EMCN: variants seen among roughly 807,000 people sequenced by gnomAD.
EMCN encodes MUC-14.
In EMCN, 37 loss-of-function variants were observed where a neutral mutation model predicts 38.4. The observed-to-expected ratio is 0.96, with a 90% CI of 0.74 to 1.27. The LOEUF is 1.27. EMCN is among the 50% of genes most tolerant of loss of function. The pLI is 0.00. For synonymous variants in EMCN, 95 were observed against 100.8 expected, an observed-to-expected ratio of 0.94 and a Z score of 0.35; for missense variants, 318 against 302.8, an observed-to-expected ratio of 1.05 and a Z score of -0.37.
chr4:100,468,588 A>C (rs954539817), intron 3 of EMCN, among the ~76,000 whole-genome samples: 4 of 152,140 alleles, frequency 2.6e-5, no homozygotes, highest in African/African-American at 7.2e-5. Flanking sequence ...CAAGGTTAGC[A>C]TTTACTAAAA....
At chr4:100,503,093 T>G (rs1399753682) in intron 1 of EMCN, among the ~76,000 whole-genome samples, 1 of 152,092 alleles carries the variant, frequency 6.6e-6, no homozygotes, top group Non-Finnish European at 1.5e-5. Flanking sequence ...AACTTCTATT[T>G]TTATTCTCTA....
rs1728617733 is a variant in EMCN at position 100,475,658 on chromosome 4, C to CATTTTTTT, written c.188-550_188-549insAAAAAAAT. 2.8e-5 allele frequency among the ~76,000 whole-genome samples: 3 copies of CATTTTTTT among 108,092 alleles called. 1 individual carries two copies. The highest frequency in any genetic ancestry group is 3.7e-5 in the African/African-American group (1 of 27,062). 70.9% of individuals were successfully genotyped at this position (108,092 alleles called of 152,430 possible). A position where few individuals can be genotyped will look rare whatever the true frequency, so the allele number is the denominator to read the frequency against. On this transcript the variant is annotated intron_variant, in intron 2 of 11. Transcript: ENST00000296420. ...CTTGAGGGCAGTATCCAATTCTAGT[C>CATTTTTTT]CTTTTTTTTTTTTTTTTTTTTTTTT...
chr4:100,401,961 T>G (rs950108547), intron 11 of EMCN, among the ~76,000 whole-genome samples: 4 of 152,148 alleles, frequency 2.6e-5, no homozygotes, highest in Admixed American at 6.6e-5. Flanking sequence ...AATTCTAAAG[T>G]TGTTATTTTT....
intron 1 of EMCN, among the ~76,000 whole-genome samples, chr4:100,512,973 C>A (rs1159514333): frequency 6.6e-6 from 1 of 152,060 alleles, no homozygotes; most frequent in Admixed American, 6.6e-5. Context: ...TTGGCTGCAG[C>A]TTGAAATGTA....
chr4:100,457,686 T>C (rs574540125), intron 4 of EMCN, among the ~76,000 whole-genome samples: 55 of 152,348 alleles, frequency 3.6e-4, no homozygotes, highest in Admixed American at 7.2e-4. Flanking sequence ...TAATGTGTTA[T>C]TGAATTTGGC....
At chr4:100,428,631 A>G (rs1727117222) in intron 5 of EMCN, among the ~76,000 whole-genome samples, 1 of 152,190 alleles carries the variant, frequency 6.6e-6, no homozygotes, top group African/African-American at 2.4e-5. Flanking sequence ...CACTGAATGT[A>G]TAAACAAACT....
At chr4:100,503,919 T>A (rs1405572936) in intron 1 of EMCN, among the ~76,000 whole-genome samples, 1 of 152,224 alleles carries the variant, frequency 6.6e-6, no homozygotes, top group Non-Finnish European at 1.5e-5. Context: ...AAGCACAATA[T>A]GTGAATACTA....
intron 3 of EMCN, among the ~76,000 whole-genome samples, chr4:100,470,419 G>A (rs1728445195): frequency 6.8e-6 from 1 of 147,820 alleles, no homozygotes; most frequent in African/African-American, 2.5e-5. Context: ...GGAGAAAAAG[G>A]AAGGCTTATA....
chr4:100,427,507 G>A (rs922077635), intron 5 of EMCN, among the ~76,000 whole-genome samples: 25 of 143,152 alleles, frequency 1.7e-4, no homozygotes, highest in Admixed American at 1.7e-3. Context: ...GGCTTGTCTC[G>A]AACTCCTGAC....
chr4:100,455,753 T>C (rs776199665), intron 4 of EMCN, among the ~76,000 whole-genome samples: 1 of 152,046 alleles, frequency 6.6e-6, no homozygotes, highest in East Asian at 1.9e-4. Flanking sequence ...TATGGGTTTA[T>C]AATTTTATAC....
At chr4:100,489,819 C>T (rs76565608) in intron 1 of EMCN, among the ~76,000 whole-genome samples, 3,895 of 152,162 alleles carry the variant, frequency 0.026, 69 homozygotes, top group Non-Finnish European at 0.041. Context: ...TCCACAAGGC[C>T]GACTGTGGGA....
chr4:100,401,377 G>A (rs1726257229), intron 11 of EMCN, among the ~76,000 whole-genome samples: 1 of 152,132 alleles, frequency 6.6e-6, no homozygotes, highest in Non-Finnish European at 1.5e-5. Context: ...TCTAGAGATA[G>A]TTTAAAGTAC....
chr4:100,430,303 G>A (rs1427228266), intron 5 of EMCN, among the ~76,000 whole-genome samples: 1 of 152,060 alleles, frequency 6.6e-6, no homozygotes, highest in Non-Finnish European at 1.5e-5. Flanking sequence ...TAGAGTCTGT[G>A]GTATCAACCC....
chr4:100,462,711 C>T (rs182042814), intron 4 of EMCN, among the ~76,000 whole-genome samples: 42 of 152,138 alleles, frequency 2.8e-4, no homozygotes, highest in African/African-American at 9.6e-4. Context: ...CACTACTACA[C>T]GAAAATGTTA....
chr4:100,509,823 G>A (rs1248656693), intron 1 of EMCN, among the ~76,000 whole-genome samples: 3 of 152,190 alleles, frequency 2.0e-5, no homozygotes, highest in African/African-American at 7.2e-5. Context: ...GGCCCAACTA[G>A]TAAGGGAAAA....
intron 5 of EMCN, among the ~76,000 whole-genome samples, chr4:100,423,765 A>G (rs573540827): frequency 6.6e-6 from 1 of 152,236 alleles, no homozygotes; most frequent in South Asian, 2.1e-4. Context: ...ACTTTGGGTG[A>G]TAGTGTTTTT....
At chr4:100,479,688 C>T (rs1728754392) in intron 2 of EMCN, among the ~76,000 whole-genome samples, 1 of 151,988 alleles carries the variant, frequency 6.6e-6, no homozygotes, top group African/African-American at 2.4e-5. Context: ...ACAATAGAAT[C>T]ATTCTCAAAC....
intron 9 of EMCN, 49 bp from the exon 10 acceptor site, chr4:100,416,008 T>G (rs374122166): frequency 5.7e-6 from 7 of 1,230,650 alleles, no homozygotes; most frequent in Non-Finnish European, 7.0e-6. Flanking sequence ...ATCAGCATTG[T>G]ATGTTTGTGA....
At chr4:100,441,693 G>A (rs1281154424) in intron 5 of EMCN, among the ~76,000 whole-genome samples, 7 of 151,984 alleles carry the variant, frequency 4.6e-5, no homozygotes, top group Non-Finnish European at 8.8e-5. Context: ...TGGTTACCAT[G>A]AATCTTCCAT....
Sources: gnomAD v4.1 joint callset for allele counts (sites outside exome capture counted in the v4.1 genomes callset) on GRCh38, gnomAD v4.1.1 for gene constraint, MANE v1.5 for transcripts, NCBI Gene and HGNC (gene_info 2026-07-23, HGNC 2026-07-21) for gene names.